Variants in TRIM14 observed in about 807,000 individuals in gnomAD.
The protein encoded by TRIM14 is tripartite motif-containing protein 14.
Under a neutral mutation model 44.5 loss-of-function variants are expected in TRIM14, and 28 were observed. The observed-to-expected ratio is 0.63, with a 90% CI of 0.47 to 0.86. The LOEUF is 0.86. Ranked by LOEUF, TRIM14 falls within the 40% of genes least tolerant of loss-of-function variation. The probability of loss-of-function intolerance (pLI) is 0.00; values close to 1 mark genes in which losing one functional copy is unlikely to be tolerated. For missense variants in TRIM14, 607 were observed against 611.1 expected (o/e 0.99, Z 0.07); for synonymous variants, 299 against 269.2 (o/e 1.11, Z -1.08).
intron 6 of TRIM14, among the ~76,000 whole-genome samples, chr9:98,071,836 T>C (rs1310327589): frequency 6.6e-6 from 1 of 152,234 alleles, no homozygotes; most frequent in Non-Finnish European, 1.5e-5. Flanking sequence ...CCACGTTTCC[T>C]GGAAATGCAA....
intron 4 of TRIM14, 102 bp downstream of exon 4, chr9:98,094,765 T>A: frequency 7.1e-7 from 1 of 1,402,128 alleles, no homozygotes. Context: ...AGGGCCTCAG[T>A]GTGGGAGAGA....
chr9:98,105,515 G>T (rs1269556234), intron 2 of TRIM14, among the ~76,000 whole-genome samples: 1 of 152,236 alleles, frequency 6.6e-6, no homozygotes, highest in Non-Finnish European at 1.5e-5. Flanking sequence ...GGAGGCGGAG[G>T]TTGCAGTGAG....
the TRIM14 span, among the ~76,000 whole-genome samples, chr9:98,036,500 G>GA: frequency 3.7e-3 from 384 of 102,500 alleles, 6 homozygotes; most frequent in East Asian, 0.013. Context: ...GACTCCATCT[G>GA]AAAAAAAAAA....
chr9:98,075,689 C>A (rs774269019), intron 6 of TRIM14: 1 of 152,064 alleles, frequency 6.6e-6, no homozygotes, highest in African/African-American at 2.4e-5. Context: ...CTTTTGATTT[C>A]CAACTTCAAA....
rs182896678 is a variant in TRIM14 at position 98,105,013 on chromosome 9, A to G, written c.304-4849T>C. On this transcript the variant is annotated intron_variant, in intron 2 of 5. Transcript: ENST00000341469. ...CTCTGCTATGGTGGCAATGGCAGGC[A>G]GGAAGAGGCAGGGAGTGGCCATGCC... 1.0e-3 allele frequency among the ~76,000 whole-genome samples: 158 copies of G among 152,264 alleles called. 1 individual carries two copies. Among genetic ancestry groups the G allele is most frequent in the African/African-American group, 3.6e-3 (151 of 41,536 alleles).
chr9:98,088,115 T>C (rs950020906), intron 5 of TRIM14, 110 bp from the exon 6 acceptor site: 83 of 1,255,196 alleles, frequency 6.6e-5, no homozygotes, highest in Middle Eastern at 2.9e-4. Flanking sequence ...AGCGCGGAAA[T>C]GGCCCAAGGA....
intron 1 of TRIM14, among the ~76,000 whole-genome samples, chr9:98,116,845 CAAAAA>C (rs149202287): frequency 9.9e-6 from 1 of 100,858 alleles, no homozygotes; most frequent in Non-Finnish European, 2.1e-5. Flanking sequence ...CCCTGTGTCT[CAAAAA>C]AAAAAAAAAA....
chr9:98,052,338 TGAAAA>T, the TRIM14 span, among the ~76,000 whole-genome samples: 1 of 139,736 alleles, frequency 7.2e-6, no homozygotes, highest in Admixed American at 7.4e-5. Context: ...TTCAGTTGAC[TGAAAA>T]GAAAAAAAAA....
At chr9:98,110,686 A>G (rs772927637) in intron 1 of TRIM14, among the ~76,000 whole-genome samples, 8 of 151,920 alleles carry the variant, frequency 5.3e-5, no homozygotes, top group Non-Finnish European at 1.0e-4. Flanking sequence ...GGGTGTGACC[A>G]GAAGTGTTTG....
chr9:98,119,185 C>A lies in TRIM14; in HGVS notation c.4G>T (p.Ala2Ser). The change falls in exon 1 of 6, where the codon GCG (alanine) becomes TCG (serine). Residue 2 changes from alanine to serine, a missense_variant. This residue lies in a region of TRIM14 where 246 missense variants were observed against 270.8 expected (regional missense o/e 0.91). Coordinates refer to ENST00000341469, the MANE Select transcript of TRIM14 (RefSeq NM_014788.4). M[A>S]GAATGSRTPG... ...GTCCGGCTCCCGGTCGCCGCGCCCG[C>A]CATTCATCTCCACCTCCTCCGGCTC... 1.3e-6 allele frequency: 2 copies of A among 1,572,778 alleles called. No individual in the cohort carries two copies. Among genetic ancestry groups the A allele is most frequent in the South Asian group, 1.1e-5 (1 of 87,924 alleles).
At chr9:98,077,829 C>T (rs893110660) in intron 6 of TRIM14, among the ~76,000 whole-genome samples, 11 of 152,180 alleles carry the variant, frequency 7.2e-5, no homozygotes, top group East Asian at 3.9e-4. Flanking sequence ...AGTGGCAGCT[C>T]CACACCTCAC....
chr9:98,098,118 G>A (rs1360530203), intron 3 of TRIM14, among the ~76,000 whole-genome samples: 2 of 152,156 alleles, frequency 1.3e-5, no homozygotes. Flanking sequence ...GGTTAGAGTT[G>A]GTGCCACTTT....
the TRIM14 span, among the ~76,000 whole-genome samples, chr9:98,043,065 G>A: frequency 2.0e-5 from 3 of 152,158 alleles, no homozygotes; most frequent in Admixed American, 6.5e-5. Flanking sequence ...CATGCCAATA[G>A]AAGTACATCT....
chr9:98,110,193 C>T, intron 1 of TRIM14: 1 of 557,718 alleles, frequency 1.8e-6, no homozygotes, highest in Non-Finnish European at 3.2e-6. Flanking sequence ...TCAGGTATGC[C>T]TCTAATCTTG....
chr9:98,042,657 G>A, the TRIM14 span, among the ~76,000 whole-genome samples: 1 of 152,240 alleles, frequency 6.6e-6, no homozygotes, highest in Admixed American at 6.5e-5. Flanking sequence ...AGATCATGAG[G>A]TGAAGAGATT....
the TRIM14 span, among the ~76,000 whole-genome samples, chr9:98,055,899 G>A: frequency 4.6e-5 from 7 of 151,958 alleles, no homozygotes; most frequent in Non-Finnish European, 8.8e-5. Context: ...CACCACGCCC[G>A]GCTAATTTTT....
the TRIM14 span, among the ~76,000 whole-genome samples, chr9:98,047,264 T>G: frequency 6.6e-6 from 1 of 152,154 alleles, no homozygotes; most frequent in Non-Finnish European, 1.5e-5. Context: ...GCCTTTTGCC[T>G]TTCACCATAA....
rs1829691156 is a variant in TRIM14, at chr9:98,078,414, A to G, written c.*29-8727T>C. The G allele has an allele frequency of 2.0e-6, 3 of 1,535,102 alleles. No homozygotes were observed. In the South Asian group the frequency reaches 3.6e-5, roughly 18 times the overall value. ...ATGGGGAAGGCGTAGTCTTTTTTAT[A>G]ACCAAAATTCTAACAAACATGGCAT... On this transcript the variant is annotated intron_variant, in intron 6 of 6. Coordinates refer to the TRIM14 transcript ENST00000375098.
the TRIM14 span, among the ~76,000 whole-genome samples, chr9:98,054,425 A>C: frequency 6.6e-6 from 1 of 152,162 alleles, no homozygotes; most frequent in Admixed American, 6.6e-5. Context: ...AGGGAGAGTA[A>C]ACCGAGACCC....
Sources: gnomAD v4.1 joint callset for allele counts (sites outside exome capture counted in the v4.1 genomes callset) on GRCh38, gnomAD v4.1.1 for gene constraint, gnomAD v4.1.1 regional missense constraint, MANE v1.5 for transcripts, NCBI Gene and HGNC (gene_info 2026-07-23, HGNC 2026-07-21) for gene names.